Variants in SP4 observed in about 807,000 individuals in gnomAD.
SP4 encodes the protein transcription factor Sp4.
Under a neutral mutation model 72.8 loss-of-function variants are expected in SP4, and 19 were observed. That is an observed-to-expected ratio of 0.26 (90% confidence interval 0.18 to 0.38). The LOEUF is 0.38. Among genes scored for constraint, SP4 ranks in the 10% least tolerant of loss-of-function variants. The pLI is 1.00. For synonymous variants in SP4, 395 were observed against 333.1 expected, an observed-to-expected ratio of 1.19 and a Z score of -2.02; for missense variants, 1,008 against 926.3, an observed-to-expected ratio of 1.09 and a Z score of -1.14.
At position 21,511,939 on chromosome 7, in the gene SP4, A is replaced by G. The variant is rs1294033832; in HGVS notation, c.*670A>G. 1 of 152,644 alleles carries G rather than the reference A, an allele frequency of 6.6e-6. No individual in the cohort carries two copies. 9.5% of individuals were successfully genotyped at this position (152,644 alleles called of 1,614,324 possible). ...TTCTCCATTTGGAGACACAAGAGGA[A>G]CATAGAGTTAAATCTTAGGTTAAAT... On this transcript the variant is annotated 3_prime_UTR_variant, in exon 6 of 6. Coordinates refer to ENST00000222584, the MANE Select transcript of SP4 (RefSeq NM_003112.5).
intron 3 of SP4, among the ~76,000 whole-genome samples, chr7:21,461,325 C>T (rs1040588192): frequency 3.9e-5 from 6 of 152,258 alleles, no homozygotes; most frequent in Admixed American, 1.3e-4. Flanking sequence ...CAGGAGCCCA[C>T]GGCTGGGTGG....
At chr7:21,488,120 C>T (rs1472773054) in intron 5 of SP4, among the ~76,000 whole-genome samples, 1 of 152,140 alleles carries the variant, frequency 6.6e-6, no homozygotes, top group African/African-American at 2.4e-5. Flanking sequence ...CCTCCTCAGC[C>T]TCCTGGAGTG....
Position 21,511,138 on chromosome 7 carries a change from G to T in SP4, c.2224G>T (p.Val742Phe), listed in dbSNP as rs773738688. ...KKGGGTALAIVTSGELDSSVT... is the reference protein window; with the variant it reads ...KKGGGTALAIFTSGELDSSVT... ...AGGTGGTGGGACAGCTCTTGCCATT[G>T]TTACCTCGGGAGAACTGGACTCATC... Residue 742 changes from valine to phenylalanine, a missense_variant, in exon 6 of 6, where the codon GTT (valine) becomes TTT (phenylalanine). Transcript: ENST00000222584. 1 of 1,614,190 alleles carries T rather than the reference G, an allele frequency of 6.2e-7. No individual in the cohort carries two copies. Among genetic ancestry groups the T allele is most frequent in the South Asian group, 1.1e-5 (1 of 91,082 alleles).
At chr7:21,451,811 G>A (rs1201015683) in intron 3 of SP4, among the ~76,000 whole-genome samples, 1 of 152,212 alleles carries the variant, frequency 6.6e-6, no homozygotes, top group East Asian at 1.9e-4. Flanking sequence ...AAAACGACAA[G>A]TAGAGATGTT....
chr7:21,456,384 C>T (rs528480500), intron 3 of SP4, among the ~76,000 whole-genome samples: 23 of 152,102 alleles, frequency 1.5e-4, no homozygotes, highest in Non-Finnish European at 2.6e-4. Context: ...GCCAGGGTTC[C>T]GATTAGTGTT....
chr7:21,499,073 C>G (rs376670810), intron 5 of SP4, among the ~76,000 whole-genome samples: 2 of 108,666 alleles, frequency 1.8e-5, no homozygotes, highest in African/African-American at 8.6e-5. Flanking sequence ...GAGCAAGACT[C>G]TGTCTCAAAA....
intron 2 of SP4, chr7:21,429,047 CA>C (rs1350294251): frequency 1.7e-5 from 10 of 578,348 alleles, no homozygotes; most frequent in Non-Finnish European, 2.8e-5. Flanking sequence ...AGTTTAGGAA[CA>C]TAACACTTTA....
At chr7:21,468,579 A>C (rs1186313754) in intron 3 of SP4, among the ~76,000 whole-genome samples, 4 of 146,348 alleles carry the variant, frequency 2.7e-5, no homozygotes, top group Admixed American at 2.7e-4. Context: ...TTGCTTTTTT[A>C]TGTTGCTCTT....
chr7:21,477,382 AATG>A, intron 4 of SP4, 75 bp downstream of exon 4: 3 of 863,044 alleles, frequency 3.5e-6, no homozygotes, highest in Non-Finnish European at 5.7e-6. Context: ...ATTGGCTGGG[AATG>A]ATGGTCACTA....
chr7:21,488,842 T>A (rs1784895510), intron 5 of SP4, among the ~76,000 whole-genome samples: 1 of 152,158 alleles, frequency 6.6e-6, no homozygotes, highest in Admixed American at 6.5e-5. Context: ...AACGATGTCA[T>A]ATAGATATGC....
Position 21,430,603 on chromosome 7 carries a change from C to T in SP4, c.1438C>T (p.Leu480Phe), listed in dbSNP as rs781248274. 2 of 1,614,104 alleles carry T rather than the reference C, an allele frequency of 1.2e-6. No individual in the cohort carries two copies. Among genetic ancestry groups the T allele is most frequent in the Non-Finnish European group, 1.7e-6 (2 of 1,180,048 alleles). ...TGTACAGGTTCAGAATATTCAGAGTCTTTCAAATTTGCAAGTTCAGAATGC... is the reference window on the plus strand; with the variant it reads ...TGTACAGGTTCAGAATATTCAGAGTTTTTCAAATTTGCAAGTTCAGAATGC... ...QTVQVQNIQS[L>F]SNLQVQNAGL... The change falls in exon 3 of 6, where the codon CTT becomes TTT. Residue 480 changes from leucine (L) to phenylalanine (F), a missense_variant. Coordinates refer to ENST00000222584, the MANE Select transcript of SP4 (RefSeq NM_003112.5).
chr7:21,503,220 G>T (rs551424723), intron 5 of SP4, among the ~76,000 whole-genome samples: 2 of 152,248 alleles, frequency 1.3e-5, no homozygotes, highest in South Asian at 4.2e-4. Context: ...GGATGACAGG[G>T]TGGAGTATAT....
chr7:21,490,557 C>T (rs1427015614), intron 5 of SP4, among the ~76,000 whole-genome samples: 1 of 152,136 alleles, frequency 6.6e-6, no homozygotes, highest in African/African-American at 2.4e-5. Context: ...ATTATGGGAG[C>T]CCCCAGTAAC....
rs1782189026 is a variant in SP4, at chr7:21,513,029, A to G, written c.*1760A>G. ...ATTTGAAAACTAAAAGTTTTTACCTACCTGCTCAATTTATTAACATCATTG... is the reference window on the plus strand; with the variant it reads ...ATTTGAAAACTAAAAGTTTTTACCTGCCTGCTCAATTTATTAACATCATTG... On this transcript the variant is annotated 3_prime_UTR_variant, in exon 6 of 6. Coordinates refer to ENST00000222584, the MANE Select transcript of SP4 (RefSeq NM_003112.5). 1 of 152,658 alleles carries G rather than the reference A, an allele frequency of 6.6e-6. No homozygotes were observed. Among genetic ancestry groups the G allele is most frequent in the South Asian group, 2.1e-4 (1 of 4,838 alleles). The allele number at this position is 152,658 out of a possible 1,614,324, so 9.5% of individuals were successfully genotyped here. A position where few individuals can be genotyped will look rare whatever the true frequency, so the allele number is the denominator to read the frequency against.
intron 3 of SP4, among the ~76,000 whole-genome samples, chr7:21,448,934 A>G (rs1216857234): frequency 6.6e-6 from 1 of 152,106 alleles, no homozygotes; most frequent in African/African-American, 2.4e-5. Flanking sequence ...TTTATGTATT[A>G]TGCTTTGACA....
intron 3 of SP4, among the ~76,000 whole-genome samples, chr7:21,446,314 G>T (rs1783425257): frequency 6.6e-6 from 1 of 152,130 alleles, no homozygotes; most frequent in Non-Finnish European, 1.5e-5. Context: ...ACAGTTTTCA[G>T]CACTTTAAAA....
At chr7:21,502,045 C>A (rs895603239) in intron 5 of SP4, among the ~76,000 whole-genome samples, 1 of 111,382 alleles carries the variant, frequency 9.0e-6, no homozygotes, top group African/African-American at 3.5e-5. Context: ...TAGGCACCCC[C>A]CCCCCCCCGG....
chr7:21,458,287 G>A (rs1356547511), intron 3 of SP4, among the ~76,000 whole-genome samples: 2 of 152,092 alleles, frequency 1.3e-5, no homozygotes, highest in Non-Finnish European at 2.9e-5. Flanking sequence ...CCGCCTCCTG[G>A]GTTCAAGCAA....
chr7:21,430,919 A>G, intron 3 of SP4, 76 bp downstream of exon 3: 1 of 1,084,852 alleles, frequency 9.2e-7, no homozygotes, highest in Admixed American at 2.2e-5. Flanking sequence ...CCTAATTCTA[A>G]GGTTTGACGT....
Sources: gnomAD v4.1 joint callset for allele counts (sites outside exome capture counted in the v4.1 genomes callset) on GRCh38, gnomAD v4.1.1 for gene constraint, MANE v1.5 for transcripts, NCBI Gene and HGNC (gene_info 2026-07-23, HGNC 2026-07-21) for gene names.